The following UNC80 variants were observed in gnomAD, a reference collection of about 807,000 sequenced individuals.
UNC80 encodes the protein unc-80 subunit of NALCN channel complex.
A neutral mutation model predicts 384.6 loss-of-function variants in UNC80; 164 were observed. That is an observed-to-expected ratio of 0.43 (90% CI 0.38 to 0.49). The LOEUF (loss-of-function observed/expected upper bound fraction) is 0.49. Among genes scored for constraint, UNC80 ranks in the 20% least tolerant of loss-of-function variants. The probability of loss-of-function intolerance (pLI) is 0.00; values close to 1 mark genes in which losing one functional copy is unlikely to be tolerated. For missense variants in UNC80, 3,330 were observed against 4,143.0 expected, an observed-to-expected ratio of 0.80 and a Z score of 5.39; for synonymous variants, 1,486 against 1,527.8, an observed-to-expected ratio of 0.97 and a Z score of 0.64.
At chr2:209,822,345 G>A (rs753939576) in intron 13 of UNC80, among the ~76,000 whole-genome samples, 1 of 152,160 alleles carries the variant, frequency 6.6e-6, no homozygotes, top group Non-Finnish European at 1.5e-5. Flanking sequence ...GATCACAAGA[G>A]ATTTGATTGC....
intron 2 of UNC80, among the ~76,000 whole-genome samples, chr2:209,774,893 A>C (rs1367542717): frequency 6.6e-6 from 1 of 152,056 alleles, no homozygotes; most frequent in East Asian, 1.9e-4. Flanking sequence ...TTTTCTTTGG[A>C]TATCTCTGTA....
chr2:209,804,664 T>G (rs2078773317), intron 7 of UNC80, among the ~76,000 whole-genome samples: 1 of 151,836 alleles, frequency 6.6e-6, no homozygotes, highest in African/African-American at 2.4e-5. Context: ...TAAGTGCCCT[T>G]AAGTTTCTTA....
In UNC80 at chr2:209,973,194, C is replaced by T; in HGVS notation, c.8511C>T (p.Cys2837=). 1.3e-6 allele frequency: 2 copies of T among 1,551,586 alleles called. No homozygotes were observed. The highest frequency in any genetic ancestry group is 4.9e-5 in the East Asian group (2 of 40,916). The change falls in exon 56 of 65, where the codon TGC becomes TGT. Residue 2837 remains cysteine (C), a synonymous_variant. Transcript: ENST00000673920. ...NFMLESSPAH[C]STPGDAGKDL... ...TGTTAGAGAGCTCCCCAGCCCACTG[C>T]TCCACCCCTGGGGATGCGGGGAAAG...
chr2:209,783,991 A>G (rs1203794014), intron 4 of UNC80, among the ~76,000 whole-genome samples: 1 of 152,170 alleles, frequency 6.6e-6, no homozygotes, highest in Non-Finnish European at 1.5e-5. Context: ...TTAATGTTCA[A>G]CAGATATCTC....
chr2:209,984,338 GTTCT>G (rs2093233148), intron 60 of UNC80, among the ~76,000 whole-genome samples: 1 of 152,108 alleles, frequency 6.6e-6, no homozygotes, highest in Non-Finnish European at 1.5e-5. Flanking sequence ...GGAAAGTTGT[GTTCT>G]TTCTTTACTT....
chr2:209,869,303 T>G (rs1346905006), intron 22 of UNC80: 1 of 152,202 alleles, frequency 6.6e-6, no homozygotes, highest in Non-Finnish European at 1.5e-5. Context: ...GTCCAAGGTA[T>G]TCCATAACCC....
intron 15 of UNC80, among the ~76,000 whole-genome samples, chr2:209,830,606 G>C (rs1425990779): frequency 1.3e-5 from 2 of 152,140 alleles, no homozygotes; most frequent in African/African-American, 2.4e-5. Context: ...GAATCAGCCA[G>C]GCAGACATAG....
At chr2:209,859,816 C>T (rs1370850620) in intron 22 of UNC80, among the ~76,000 whole-genome samples, 1 of 152,142 alleles carries the variant, frequency 6.6e-6, no homozygotes, top group Non-Finnish European at 1.5e-5. Context: ...TTGTTGGCTG[C>T]ATAATGTCTC....
At position 209,921,686 on chromosome 2, in the gene UNC80, G is replaced by A; in HGVS notation, c.5530G>A (p.Val1844Ile). Residue 1844 changes from valine to isoleucine, a missense_variant and splice_region_variant, in exon 34 of 65, where the codon GTA becomes ATA. Physicochemically the swap from Val to Ile is conservative, Grantham distance 29. This residue lies in a region of UNC80 where 1,049 missense variants were observed against 1,488.6 expected (regional missense o/e 0.70). Transcript: ENST00000673920. ...CTPNSEPEEE[V>I]EEVTNLASRR... ...GCCCAACTCAGAACCGGAAGAAGAA[G>A]GTGCCCTCTGCACACAGGACTTCTT... The A allele has an allele frequency of 2.5e-5, 39 of 1,548,870 alleles. No homozygotes were observed. The highest frequency in any genetic ancestry group is 3.4e-5 in the Non-Finnish European group (39 of 1,145,870).
chr2:209,809,768 T>C (rs2079198641), intron 7 of UNC80, among the ~76,000 whole-genome samples: 1 of 152,204 alleles, frequency 6.6e-6, no homozygotes, highest in Non-Finnish European at 1.5e-5. Context: ...TTCTGTTTCC[T>C]CTGCTGGATC....
At chr2:209,808,611 C>G (rs975552921) in intron 7 of UNC80, among the ~76,000 whole-genome samples, 1 of 152,046 alleles carries the variant, frequency 6.6e-6, no homozygotes, top group African/African-American at 2.4e-5. Context: ...AGAGCGTGGC[C>G]TTAGGGGGAG....
intron 8 of UNC80, 146 bp downstream of exon 8, chr2:209,813,987 A>C: frequency 9.4e-7 from 1 of 1,060,190 alleles, no homozygotes; most frequent in Non-Finnish European, 1.3e-6. Context: ...TTTCCCTTCC[A>C]TCTTGCATGC....
chr2:209,799,542 T>G (rs2078400048), intron 7 of UNC80, among the ~76,000 whole-genome samples: 1 of 152,196 alleles, frequency 6.6e-6, no homozygotes, highest in Admixed American at 6.5e-5. Context: ...GTTCCTCTCT[T>G]CCTATTTTAA....
chr2:209,838,643 A>G (rs1559174430), intron 18 of UNC80, among the ~76,000 whole-genome samples: 1 of 152,110 alleles, frequency 6.6e-6, no homozygotes, highest in Non-Finnish European at 1.5e-5. Context: ...ACAGTGCTGC[A>G]CAAGCCTTAG....
chr2:209,858,512 A>G (rs987048251), intron 22 of UNC80, among the ~76,000 whole-genome samples: 1 of 152,142 alleles, frequency 6.6e-6, no homozygotes. Flanking sequence ...GTTCAAGACC[A>G]GCCTGGCCAA....
intron 13 of UNC80, among the ~76,000 whole-genome samples, 184 bp from the exon 14 acceptor site, chr2:209,825,723 A>G (rs1217293846): frequency 6.6e-6 from 1 of 152,174 alleles, no homozygotes; most frequent in Non-Finnish European, 1.5e-5. Context: ...TTTCTTTTAA[A>G]TCATAGACTA....
At chr2:209,982,045 C>G in intron 59 of UNC80, 134 bp from the exon 60 acceptor site, 1 of 792,854 alleles carries the variant, frequency 1.3e-6, no homozygotes, top group South Asian at 2.8e-5. Flanking sequence ...TATGAAGGGA[C>G]CAATGATAAT....
intron 5 of UNC80, among the ~76,000 whole-genome samples, chr2:209,787,015 A>ACC (rs2077480036): frequency 9.0e-6 from 1 of 111,412 alleles, no homozygotes; most frequent in African/African-American, 3.0e-5. Flanking sequence ...ATATATATAT[A>ACC]TATACCTATA....
chr2:209,778,659 A>T (rs1273568915), intron 4 of UNC80, among the ~76,000 whole-genome samples: 1 of 152,198 alleles, frequency 6.6e-6, no homozygotes, highest in Non-Finnish European at 1.5e-5. Context: ...ACACGGGGTG[A>T]ATATATATGT....
Sources: allele counts gnomAD v4.1 joint callset (sites outside exome capture counted in the v4.1 genomes callset), GRCh38; gene constraint gnomAD v4.1.1; regional missense constraint gnomAD v4.1.1; transcripts MANE v1.5; gene names NCBI Gene and HGNC (gene_info 2026-07-23, HGNC 2026-07-21).